The following ZNF416 variants were observed in gnomAD, a reference collection of about 807,000 sequenced individuals.
ZNF416 encodes the protein zinc finger protein 416.
Under a neutral mutation model 10.9 loss-of-function variants are expected in ZNF416, and 5 were observed. That is an observed-to-expected ratio of 0.46 (90% CI 0.24 to 0.97). ZNF416 has a LOEUF of 0.97. Among genes scored for constraint, ZNF416 ranks in the 50% least tolerant of loss-of-function variants. ZNF416 has a pLI of 0.19. For missense variants in ZNF416, 675 were observed against 715.0 expected (o/e 0.94, Z 0.64); for synonymous variants, 267 against 251.8 (o/e 1.06, Z -0.57).
chr19:57,572,930 G>C lies in ZNF416; in HGVS notation c.974C>G (p.Pro325Arg). 2 of 1,614,144 alleles carry C rather than the reference G, an allele frequency of 1.2e-6. No individual in the cohort carries two copies. The highest frequency in any genetic ancestry group is 1.7e-6 in the Non-Finnish European group (2 of 1,180,032). ...KHHRVHTGER[P>R]YECGECGKSF... is the part of the protein sequence containing the mutation. ...TTTCCCACATTCACCACACTCGTAA[G>C]GCCTTTCTCCAGTGTGAACTCTGTG... Residue 325 changes from proline to arginine, a missense_variant, in exon 4 of 4, where the codon CCT (proline) becomes CGT (arginine). By Grantham distance (103) the Pro-to-Arg change is moderately radical (BLOSUM62 -2). Transcript: ENST00000196489. This position sits in a 1 kb window ranked among gnomAD's most constrained non-coding sequence, Gnocchi z 4.5.
At position 57,572,927 on chromosome 19, in the gene ZNF416, T is replaced by C; in HGVS notation, c.977A>G (p.Tyr326Cys). ...HHRVHTGERP[Y>C]ECGECGKSFS... The stretch of plus-strand genomic sequence containing the variant: ...AGATTTCCCACATTCACCACACTCG[T>C]AAGGCCTTTCTCCAGTGTGAACTCT... Residue 326 changes from tyrosine to cysteine, a missense_variant, in exon 4 of 4, where the codon TAC becomes TGC. Tyr to Cys is a radical substitution (Grantham distance 194). Transcript: ENST00000196489. The surrounding 1 kb of genome is among the most constrained non-coding windows in gnomAD (Gnocchi z 4.5). 2 of 1,614,086 alleles carry C rather than the reference T, an allele frequency of 1.2e-6. No homozygotes were observed. Among genetic ancestry groups the C allele is most frequent in the Non-Finnish European group, 1.7e-6 (2 of 1,180,006 alleles).
Position 57,572,820 on chromosome 19 carries a change from C to G in ZNF416, c.1084G>C (p.Ala362Pro), listed in dbSNP as rs759923617. Residue 362 changes from alanine to proline, a missense_variant, in exon 4 of 4, where the codon GCC becomes CCC. Coordinates refer to ENST00000196489, the MANE Select transcript of ZNF416 (RefSeq NM_017879.3). The surrounding 1 kb of genome is among the most constrained non-coding windows in gnomAD (Gnocchi z 4.5). ...ACAAGAGTGGATTTGGACCCAAAGG[C>G]TTTTCCACATTCATCACACTCATAA... ...RPYECDECGK[A>P]FGSKSTLVRH... is the part of the protein sequence containing the mutation. The G allele has an allele frequency of 6.2e-7, 1 of 1,613,736 alleles. No homozygotes were observed. Among genetic ancestry groups the G allele is most frequent in the Non-Finnish European group, 8.5e-7 (1 of 1,179,876 alleles).
Position 57,572,247 on chromosome 19 carries a change from C to T in ZNF416, c.1657G>A (p.Gly553Ser). 1 of 1,614,202 alleles carries T rather than the reference C, an allele frequency of 6.2e-7. No individual in the cohort carries two copies. The highest frequency in any genetic ancestry group is 1.1e-5 in the South Asian group (1 of 91,086). ...VHTGERPYEC[G>S]KCGKSFTQHS... ...TGTGTAAAGGACTTCCCACATTTGC[C>T]ACACTCATATGGCCTTTCTCCTGTG... The change falls in exon 4 of 4, where the codon GGC becomes AGC. Residue 553 changes from glycine (G) to serine (S), a missense_variant. Physicochemically the swap from Gly to Ser is moderately conservative, Grantham distance 56 (BLOSUM62 0). Coordinates refer to ENST00000196489, the MANE Select transcript of ZNF416 (RefSeq NM_017879.3). The surrounding 1 kb of genome is among the most constrained non-coding windows in gnomAD (Gnocchi z 4.5).
chr19:57,572,826 C>G lies in ZNF416; in HGVS notation c.1078G>C (p.Gly360Arg). ...GTGGATTTGGACCCAAAGGCTTTTCCACATTCATCACACTCATAAGGCCTT... is the reference window on the plus strand; with the variant it reads ...GTGGATTTGGACCCAAAGGCTTTTCGACATTCATCACACTCATAAGGCCTT... ...GERPYECDEC[G>R]KAFGSKSTLV... The change falls in exon 4 of 4, where the codon GGA becomes CGA. Residue 360 changes from glycine to arginine, a missense_variant. By Grantham distance (125) the Gly-to-Arg change is moderately radical. Transcript: ENST00000196489. This position sits in a 1 kb window ranked among gnomAD's most constrained non-coding sequence, Gnocchi z 4.5. 6.2e-7 allele frequency: 1 copy of G among 1,614,056 alleles called. No homozygotes were observed. The highest frequency in any genetic ancestry group is 8.5e-7 in the Non-Finnish European group (1 of 1,179,896).
rs531820087 is a variant in ZNF416, at chr19:57,575,727, C to T, written c.202+77G>A. The T allele has an allele frequency of 4.4e-6, 7 of 1,596,548 alleles. No individual in the cohort carries two copies. Among genetic ancestry groups the T allele is most frequent in the Non-Finnish European group, 6.0e-6 (7 of 1,165,116 alleles). On this transcript the variant is annotated intron_variant, in intron 3 of 3. Coordinates refer to ENST00000196489, the MANE Select transcript of ZNF416 (RefSeq NM_017879.3). The surrounding 1 kb of genome is among the most constrained non-coding windows in gnomAD (Gnocchi z 4.4). ...ACAGTGGGGAAGTCAGCAAAGCCCA[C>T]GGTCCGGCAGAGCTGCCTCTGAGGA...
rs755740876 is a variant in ZNF416, at chr19:57,573,358, G to C, written c.546C>G (p.Ala182=). The C allele has an allele frequency of 4.3e-6, 7 of 1,614,082 alleles. No individual in the cohort carries two copies. The highest frequency in any genetic ancestry group is 5.9e-6 in the Non-Finnish European group (7 of 1,180,042). Residue 182 remains alanine, a synonymous_variant, in exon 4 of 4, where the codon GCC becomes GCG. Coordinates refer to ENST00000196489, the MANE Select transcript of ZNF416 (RefSeq NM_017879.3). ...CTTGCGGCTGAAGAATGCCCAATGG[G>C]GCTAGGAAGTCCTTCCCAACCTCAC... The part of the protein sequence containing the change: ...TSSEVGKDFL[A]PLGILQPQAI...
chr19:57,578,372 G>C (rs766152336), intron 1 of ZNF416: 2 of 570,156 alleles, frequency 3.5e-6, no homozygotes, highest in East Asian at 2.8e-5. Context: ...CATGTGCCTC[G>C]TCTGTTCACA....
Position 57,573,692 on chromosome 19 carries a change from T to C in ZNF416, c.212A>G (p.His71Arg). 6.2e-7 allele frequency: 1 copy of C among 1,608,498 alleles called. No homozygotes were observed. Among genetic ancestry groups the C allele is most frequent in the Non-Finnish European group, 8.5e-7 (1 of 1,175,514 alleles). Residue 71 changes from histidine to arginine, a missense_variant, in exon 4 of 4, where the codon CAT (histidine) becomes CGT (arginine). Transcript: ENST00000196489. ...FALITALVCW[H>R]GMEDEETPEQ... ...AGGTGTCTCTTCATCCTCCATCCCATGCCAACAAACTGAAAGCAGAGAAAC... is the reference window on the plus strand; with the variant it reads ...AGGTGTCTCTTCATCCTCCATCCCACGCCAACAAACTGAAAGCAGAGAAAC...
intron 1 of ZNF416, 65 bp downstream of exon 1, chr19:57,578,607 C>T (rs1978637086): frequency 6.8e-7 from 1 of 1,459,880 alleles, no homozygotes; most frequent in South Asian, 1.4e-5. Context: ...AGCAGGCGCC[C>T]CTCATGCAGG....
chr19:57,575,926 C>G lies in ZNF416; in HGVS notation c.80G>C (p.Cys27Ser). The G allele has an allele frequency of 6.2e-7, 1 of 1,613,864 alleles. No individual in the cohort carries two copies. Among genetic ancestry groups the G allele is most frequent in the Non-Finnish European group, 8.5e-7 (1 of 1,179,842 alleles). Residue 27 changes from cysteine (C) to serine (S), a missense_variant, in exon 3 of 4, where the codon TGT (cysteine) becomes TCT (serine). Transcript: ENST00000196489. This position sits in a 1 kb window ranked among gnomAD's most constrained non-coding sequence, Gnocchi z 4.4. ...AATGGCCACGTCCTCAAAGGTCACA[C>G]AGCCCTGCCATGATGGGGATAGATC... ...EAKLMGFTQGCVTFEDVAIYF... is the reference protein window; with the variant it reads ...EAKLMGFTQGSVTFEDVAIYF...
intron 3 of ZNF416, among the ~76,000 whole-genome samples, chr19:57,574,579 G>A (rs1367140099): frequency 2.0e-5 from 3 of 152,194 alleles, no homozygotes; most frequent in Non-Finnish European, 4.4e-5. Flanking sequence ...TATACATCAA[G>A]GAATGAATTC....
At chr19:57,577,334 G>A (rs929857396) in intron 2 of ZNF416, among the ~76,000 whole-genome samples, 3 of 152,116 alleles carry the variant, frequency 2.0e-5, no homozygotes, top group Admixed American at 6.5e-5. Flanking sequence ...ATTATCTCTA[G>A]AGATAACTGA....
In ZNF416 at chr19:57,572,888, G is replaced by A; in HGVS notation, c.1016C>T (p.Ser339Phe). Residue 339 changes from serine to phenylalanine, a missense_variant, in exon 4 of 4, where the codon TCC becomes TTC. Ser to Phe is a radical substitution (Grantham distance 155). Coordinates refer to ENST00000196489, the MANE Select transcript of ZNF416 (RefSeq NM_017879.3). The surrounding 1 kb of genome is among the most constrained non-coding windows in gnomAD (Gnocchi z 4.5). ...GECGKSFSQS[S>F]NLIEHCRIHT... ...AATTCTGCAATGTTCAATAAGGTTG[G>A]AACTTTGGCTAAAAGATTTCCCACA... 6.2e-7 allele frequency: 1 copy of A among 1,613,772 alleles called. No individual in the cohort carries two copies. Among genetic ancestry groups the A allele is most frequent in the Non-Finnish European group, 8.5e-7 (1 of 1,179,872 alleles).
Position 57,575,862 on chromosome 19 carries a change from A to G in ZNF416, c.144T>C (p.Ala48=). The G allele has an allele frequency of 6.2e-7, 1 of 1,614,122 alleles. No homozygotes were observed. The highest frequency in any genetic ancestry group is 8.5e-7 in the Non-Finnish European group (1 of 1,180,016). ...SQEEWGLLDE[A]QRLLYRDVML... is the part of the protein sequence containing the mutation. Reference sequence around the variant, plus strand: ...TCACATCGCGGTACAGGAGCCTCTGAGCCTCATCAAGGAGCCCCCATTCTT... The same window carrying G: ...TCACATCGCGGTACAGGAGCCTCTGGGCCTCATCAAGGAGCCCCCATTCTT... The change falls in exon 3 of 4, where the codon GCT becomes GCC. Residue 48 remains alanine, a synonymous_variant. Coordinates refer to ENST00000196489, the MANE Select transcript of ZNF416 (RefSeq NM_017879.3). The surrounding 1 kb of genome is among the most constrained non-coding windows in gnomAD (Gnocchi z 4.4).
rs79137177 is a variant in ZNF416 at position 57,575,952 on chromosome 19, T to C, written c.76-22A>G. On this transcript the variant is annotated intron_variant, in intron 2 of 3. Coordinates refer to ENST00000196489, the MANE Select transcript of ZNF416 (RefSeq NM_017879.3). This position sits in a 1 kb window ranked among gnomAD's most constrained non-coding sequence, Gnocchi z 4.4. ...AGCCCTGCCATGATGGGGATAGATC[T>C]TTCCATGATCAGATTCTCTCCTAGG... 2,071 of 1,610,098 alleles carry C rather than the reference T, an allele frequency of 1.3e-3. 36 individuals carry two copies. The East Asian group carries it at 0.032, about 25-fold the overall frequency.
chr19:57,578,065 A>T lies in ZNF416; in HGVS notation c.67T>A (p.Phe23Ile). ...PVTAEAKLMGFTQGCVTFEDV... is the reference protein window; with the variant it reads ...PVTAEAKLMGITQGCVTFEDV... ...AAACACTCTCCACTCACCTGTGTAA[A>T]GCCCATAAGTTTAGCTTCTGCAGTC... Residue 23 changes from phenylalanine to isoleucine, a missense_variant, in exon 2 of 4, where the codon TTT (phenylalanine) becomes ATT (isoleucine). Physicochemically the swap from Phe to Ile is conservative, Grantham distance 21. Transcript: ENST00000196489. The T allele has an allele frequency of 6.2e-7, 1 of 1,614,216 alleles. No individual in the cohort carries two copies. Among genetic ancestry groups the T allele is most frequent in the Non-Finnish European group, 8.5e-7 (1 of 1,180,034 alleles).
In ZNF416 at chr19:57,578,898, G is replaced by A. The variant is rs1488503213; in HGVS notation, c.-194C>T. 2.1e-6 allele frequency: 1 copy of A among 474,042 alleles called. No homozygotes were observed. Among genetic ancestry groups the A allele is most frequent in the Non-Finnish European group, 3.6e-6 (1 of 274,102 alleles). The allele number at this position is 474,042 out of a possible 1,614,324, so 29.4% of individuals were successfully genotyped here. ...CCACCAAAATTACCATCTCGGAGCG[G>A]TGCCGGAAGTCCCGCCTTACCGTAT... On this transcript the variant is annotated 5_prime_UTR_variant, in exon 1 of 4. Transcript: ENST00000196489.
At position 57,578,765 on chromosome 19, in the gene ZNF416, G is replaced by T; in HGVS notation, c.-61C>A. 1 of 1,391,130 alleles carries T rather than the reference G, an allele frequency of 7.2e-7. No homozygotes were observed. 86.2% of individuals were successfully genotyped at this position (1,391,130 alleles called of 1,614,324 possible). ...CGACCCGGGGCGGGAACCCAGGCAC[G>T]GCTGCCACCAGCGCCAGCGACCCAC... is the stretch of plus-strand genomic sequence containing the variant. On this transcript the variant is annotated 5_prime_UTR_variant, in exon 1 of 4. Coordinates refer to ENST00000196489, the MANE Select transcript of ZNF416 (RefSeq NM_017879.3).
At position 57,575,020 on chromosome 19, in the gene ZNF416, G is replaced by C; in HGVS notation, c.202+784C>G. 6.6e-6 allele frequency among the ~76,000 whole-genome samples: 1 copy of C among 152,212 alleles called. No individual in the cohort carries two copies. Among genetic ancestry groups the C allele is most frequent in the East Asian group, 1.9e-4 (1 of 5,202 alleles). ...GGAAGATGGGGGCAGCACGAGGCCG[G>C]ATGTCCCAGATGAAGCAATAAGCCA... is the stretch of plus-strand genomic sequence containing the variant. On this transcript the variant is annotated intron_variant, in intron 3 of 3. Coordinates refer to ENST00000196489, the MANE Select transcript of ZNF416 (RefSeq NM_017879.3). The surrounding 1 kb of genome is among the most constrained non-coding windows in gnomAD (Gnocchi z 4.4).
Sources: allele counts gnomAD v4.1 joint callset (sites outside exome capture counted in the v4.1 genomes callset), GRCh38; gene constraint gnomAD v4.1.1; non-coding constraint Gnocchi (gnomAD v3.1); transcripts MANE v1.5; gene names NCBI Gene and HGNC (gene_info 2026-07-23, HGNC 2026-07-21).